Variants in EVPL observed in about 807,000 individuals in gnomAD.
The protein encoded by EVPL is 210 kDa cornified envelope precursor protein.
A neutral mutation model predicts 129.7 loss-of-function variants in EVPL; 94 were observed. The ratio of observed to expected loss-of-function variants is 0.72; its 90% confidence interval spans 0.61 to 0.86. EVPL has a LOEUF of 0.86. Among genes scored for constraint, EVPL ranks in the 40% least tolerant of loss-of-function variants. The pLI is 0.00. For synonymous variants in EVPL, 1,172 were observed against 1,191.1 expected, an observed-to-expected ratio of 0.98 and a Z score of 0.33; for missense variants, 2,625 against 2,721.1, an observed-to-expected ratio of 0.96 and a Z score of 0.79.
intron 18 of EVPL, 85 bp downstream of exon 18, chr17:76,014,341 G>T (rs1010515945): frequency 1.3e-6 from 2 of 1,488,984 alleles, no homozygotes; most frequent in Non-Finnish European, 1.8e-6. Flanking sequence ...CGTGGCCTGG[G>T]CTTTGAAGCC....
chr17:76,008,123 C>G lies in EVPL; in HGVS notation c.5082G>C (p.Gly1694=). Residue 1694 remains glycine, a synonymous_variant, in exon 22 of 22, where the codon GGG becomes GGC. Coordinates refer to ENST00000301607, the MANE Select transcript of EVPL (RefSeq NM_001988.4). The surrounding 1 kb of genome is among the most constrained non-coding windows in gnomAD (Gnocchi z 7.4). The part of the protein sequence containing the change: ...TKISILEPET[G]KDMSPYEAYK... Reference sequence around the variant, plus strand: ...AGGCCTCGTATGGGGACATGTCCTTCCCCGTCTCGGGTTCCAGGATGGAGA... The same window carrying G: ...AGGCCTCGTATGGGGACATGTCCTTGCCCGTCTCGGGTTCCAGGATGGAGA... 6.2e-7 allele frequency: 1 copy of G among 1,614,182 alleles called. No individual in the cohort carries two copies. Among genetic ancestry groups the G allele is most frequent in the South Asian group, 1.1e-5 (1 of 91,088 alleles).
At chr17:76,020,487 A>G (rs1165600296) in intron 9 of EVPL, among the ~76,000 whole-genome samples, 1 of 152,208 alleles carries the variant, frequency 6.6e-6, no homozygotes, top group Non-Finnish European at 1.5e-5. Context: ...TTAAAGAAGC[A>G]TTCCAGGTGC....
In EVPL at chr17:76,017,858, T is replaced by C. The variant is rs1179440922; in HGVS notation, c.1591A>G (p.Met531Val). Residue 531 changes from methionine (M) to valine (V), a missense_variant, in exon 14 of 22, where the codon ATG (methionine) becomes GTG (valine). Coordinates refer to ENST00000301607, the MANE Select transcript of EVPL (RefSeq NM_001988.4). ...NPQAQKLLTQ[M>V]TRLDGDLGQI... ...CCCAGGTCTCCATCCAGCCGGGTCA[T>C]CTGTGTCAGGAGCTTCTGGGCCTGT... is the stretch of plus-strand genomic sequence containing the variant. 2 of 1,613,938 alleles carry C rather than the reference T, an allele frequency of 1.2e-6. No individual in the cohort carries two copies. Among genetic ancestry groups the C allele is most frequent in the African/African-American group, 2.7e-5 (2 of 74,926 alleles).
chr17:76,014,328 C>T (rs1166449150), intron 18 of EVPL, 98 bp downstream of exon 18: 34 of 1,457,080 alleles, frequency 2.3e-5, no homozygotes, highest in Non-Finnish European at 3.0e-5. Context: ...GGCCCAGGGC[C>T]TCCGTGGCCT....
At position 76,014,964 on chromosome 17, in the gene EVPL, C is replaced by T. The variant is rs753022497; in HGVS notation, c.2174G>A (p.Arg725Gln). ...QDLPRQQRQV[R>Q]ALTDRYHAVG... The stretch of plus-strand genomic sequence containing the variant: ...GGCGTGGTAGCGGTCGGTGAGGGCT[C>T]GCACCTGGCGCTGCTGGCGAGGCAG... Residue 725 changes from arginine to glutamine, a missense_variant, in exon 17 of 22, where the codon CGA becomes CAA. Physicochemically the swap from Arg to Gln is conservative, Grantham distance 43. This residue lies in a region of EVPL where 1,024 missense variants were observed against 997.5 expected (regional missense o/e 1.03). Transcript: ENST00000301607. 3.8e-6 allele frequency: 6 copies of T among 1,596,202 alleles called. No individual in the cohort carries two copies. The highest frequency in any genetic ancestry group is 3.3e-5 in the South Asian group (3 of 90,836).
chr17:76,009,612 T>C lies in EVPL; in HGVS notation c.3593A>G (p.Glu1198Gly), dbSNP rs2066357513. 1 of 1,614,018 alleles carries C rather than the reference T, an allele frequency of 6.2e-7. No individual in the cohort carries two copies. ...PKVQLQERVH[E>G]IFQVDPETEQ... ...TGTCTCCGGATCCACCTGGAAGATC[T>C]CGTGGACGCGCTCCTGGAGCTGCAC... The change falls in exon 22 of 22, where the codon GAG becomes GGG. Residue 1198 changes from glutamate to glycine, a missense_variant. Glu to Gly is a moderately conservative substitution (Grantham distance 98). Coordinates refer to ENST00000301607, the MANE Select transcript of EVPL (RefSeq NM_001988.4). The surrounding 1 kb of genome is among the most constrained non-coding windows in gnomAD (Gnocchi z 5.9).
rs137880433 is a variant in EVPL at position 76,015,590 on chromosome 17, C to A, written c.1749G>T (p.Lys583Asn). ...CCTCGCACTCCTTCTGGGCTGTCTCCTTCTCCGTTCCCAGGCTCTGCAGGC... is the reference window on the plus strand; with the variant it reads ...CCTCGCACTCCTTCTGGGCTGTCTCATTCTCCGTTCCCAGGCTCTGCAGGC... ...AQRLQSLGTE[K>N]ETAQKECEAF... is the part of the protein sequence containing the mutation. The change falls in exon 15 of 22, where the codon AAG (lysine) becomes AAT (asparagine). Residue 583 changes from lysine to asparagine, a missense_variant. Around this residue, in one of 4 missense-constraint regions of EVPL, gnomAD observed 1,024 missense variants for 997.5 expected, o/e 1.03. Coordinates refer to ENST00000301607, the MANE Select transcript of EVPL (RefSeq NM_001988.4). 8.1e-6 allele frequency: 13 copies of A among 1,613,388 alleles called. No homozygotes were observed. Among genetic ancestry groups the A allele is most frequent in the Non-Finnish European group, 1.0e-5 (12 of 1,179,984 alleles).
In EVPL at chr17:76,017,903, C is replaced by T. The variant is rs1396235833; in HGVS notation, c.1546G>A (p.Gly516Ser). The T allele has an allele frequency of 1.2e-6, 2 of 1,614,050 alleles. No homozygotes were observed. Among genetic ancestry groups the T allele is most frequent in the South Asian group, 2.2e-5 (2 of 91,088 alleles). The part of the protein sequence containing the change: ...SLRPSQQAPS[G>S]SDLANPQAQK... ...GCCTGTGGGTTGGCCAGGTCTGAGC[C>T]AGATGGAGCTGGGGGCAGAGGTGCT... Residue 516 changes from glycine to serine, a missense_variant, in exon 14 of 22, where the codon GGC becomes AGC. Around this residue, in one of 4 missense-constraint regions of EVPL, gnomAD observed 1,024 missense variants for 997.5 expected, o/e 1.03. Transcript: ENST00000301607.
Position 76,009,705 on chromosome 17 carries a change from G to C in EVPL, c.3500C>G (p.Ala1167Gly). The change falls in exon 22 of 22, where the codon GCG becomes GGG. Residue 1167 changes from alanine to glycine, a missense_variant. By Grantham distance (60) the Ala-to-Gly change is moderately conservative. This residue lies in a region of EVPL where 1,453 missense variants were observed against 1,511.8 expected (regional missense o/e 0.96). Transcript: ENST00000301607. This position sits in a 1 kb window ranked among gnomAD's most constrained non-coding sequence, Gnocchi z 5.9. ...SLLEEERTKN[A>G]TLARELSDLH... ...GTCGCTCAGCTCCCTGGCCAGCGTC[G>C]CGTTCTTGGTCCTCTCCTCCTCGAG... 6.2e-7 allele frequency: 1 copy of C among 1,613,460 alleles called. No homozygotes were observed. Among genetic ancestry groups the C allele is most frequent in the Non-Finnish European group, 8.5e-7 (1 of 1,179,998 alleles).
Position 76,008,681 on chromosome 17 carries a change from G to A in EVPL, c.4524C>T (p.Val1508=), listed in dbSNP as rs1233070056. The change falls in exon 22 of 22, where the codon GTC becomes GTT. Residue 1508 remains valine (V), a synonymous_variant. Transcript: ENST00000301607. The surrounding 1 kb of genome is among the most constrained non-coding windows in gnomAD (Gnocchi z 7.4). ...TCTCCTGCGATTTGGCTTTCTGGAGGACGTCAATCTGGACCTGCAGGTTCT... is the reference window on the plus strand; with the variant it reads ...TCTCCTGCGATTTGGCTTTCTGGAGAACGTCAATCTGGACCTGCAGGTTCT... ...ECKNLQVQID[V]LQKAKSQEKT... The A allele has an allele frequency of 1.9e-6, 3 of 1,613,040 alleles. No homozygotes were observed. Among genetic ancestry groups the A allele is most frequent in the South Asian group, 1.1e-5 (1 of 91,082 alleles).
Position 76,021,862 on chromosome 17 carries a change from C to A in EVPL, c.807+5G>T. On this transcript the variant is annotated splice_donor_5th_base_variant and intron_variant, in intron 7 of 21. Transcript: ENST00000301607. ...CCCACCTGGCCCCGACCTCTGCCAG[C>A]CGACCTCGTACTCCCGCCGCACGCC... 1 of 1,558,968 alleles carries A rather than the reference C, an allele frequency of 6.4e-7. No individual in the cohort carries two copies. The highest frequency in any genetic ancestry group is 8.6e-7 in the Non-Finnish European group (1 of 1,159,352).
intron 9 of EVPL, among the ~76,000 whole-genome samples, chr17:76,020,518 C>CCT (rs1313989177): frequency 6.6e-6 from 1 of 151,964 alleles, no homozygotes; most frequent in Non-Finnish European, 1.5e-5. Context: ...TTTTTGTCAA[C>CCT]GTGTGTGATC....
In EVPL at chr17:76,008,683, C is replaced by T. The variant is rs150027671; in HGVS notation, c.4522G>A (p.Val1508Ile). 8.7e-6 allele frequency: 14 copies of T among 1,612,990 alleles called. No individual in the cohort carries two copies. The African/African-American group carries it at 1.2e-4, about 14-fold the overall frequency. ...ECKNLQVQIDVLQKAKSQEKT... is the reference protein window; with the variant it reads ...ECKNLQVQIDILQKAKSQEKT... ...TCCTGCGATTTGGCTTTCTGGAGGA[C>T]GTCAATCTGGACCTGCAGGTTCTTG... The change falls in exon 22 of 22, where the codon GTC (valine) becomes ATC (isoleucine). Residue 1508 changes from valine (V) to isoleucine (I), a missense_variant. Coordinates refer to ENST00000301607, the MANE Select transcript of EVPL (RefSeq NM_001988.4). The surrounding 1 kb of genome is among the most constrained non-coding windows in gnomAD (Gnocchi z 7.4).
Position 76,024,061 on chromosome 17 carries a change from A to C in EVPL, c.158T>G (p.Val53Gly). The C allele has an allele frequency of 6.2e-7, 1 of 1,613,822 alleles. No individual in the cohort carries two copies. Among genetic ancestry groups the C allele is most frequent in the Non-Finnish European group, 8.5e-7 (1 of 1,179,936 alleles). The change falls in exon 2 of 22, where the codon GTG becomes GGG. Residue 53 changes from valine (V) to glycine (G), a missense_variant. Around this residue, in one of 4 missense-constraint regions of EVPL, gnomAD observed 139 missense variants for 186.8 expected, o/e 0.74. Coordinates refer to ENST00000301607, the MANE Select transcript of EVPL (RefSeq NM_001988.4). The surrounding 1 kb of genome is among the most constrained non-coding windows in gnomAD (Gnocchi z 4.5). ...CTGCGTCTCCAGGATGTCCCGCTCC[A>C]CCTGGTCGGCGTTGGCTTGCATGCG... is the stretch of plus-strand genomic sequence containing the variant. The part of the protein sequence containing the change: ...ISRMQANADQ[V>G]ERDILETQKR...
chr17:76,015,251 C>T lies in EVPL; in HGVS notation c.2004G>A (p.Leu668=). ...CCTGCAGCTCGCTGACCCTCTCCTG[C>T]AGAGCCCCCGGTTCAGCAGGGATGG... ...EAPIPAEPGA[L]QERVSELQRQ... The change falls in exon 16 of 22, where the codon CTG becomes CTA. Residue 668 remains leucine (L), a synonymous_variant. Transcript: ENST00000301607. 1 of 1,600,258 alleles carries T rather than the reference C, an allele frequency of 6.2e-7. No individual in the cohort carries two copies.
Position 76,018,488 on chromosome 17 carries a change from CA to C in EVPL, c.1396del (p.Cys466AlafsTer23), listed in dbSNP as rs1363083306. On this transcript the variant is annotated frameshift_variant, in exon 12 of 22. Coordinates refer to ENST00000301607, the MANE Select transcript of EVPL (RefSeq NM_001988.4). LOFTEE classifies it high-confidence loss of function. The part of the protein sequence containing the change: ...ETKRAPAACF[C>X]IPAPDPDAVA... ...AGCATCAGGGTCTGGTGCTGGGATG[CA>C]GAAGCAGGCGGCGGGAGCACGCTTG... The C allele has an allele frequency of 6.2e-7, 1 of 1,612,514 alleles. No individual in the cohort carries two copies. Among genetic ancestry groups the C allele is most frequent in the South Asian group, 1.1e-5 (1 of 90,968 alleles).
chr17:76,012,965 C>T (rs2598421), intron 18 of EVPL, among the ~76,000 whole-genome samples: 14,898 of 151,286 alleles, frequency 0.098, 980 homozygotes, highest in East Asian at 0.18. Flanking sequence ...AGGATGGTCT[C>T]GATCTCCTGA....
rs762765161 is a variant in EVPL, at chr17:76,009,390, C to T, written c.3815G>A (p.Arg1272His). 2 of 1,613,894 alleles carry T rather than the reference C, an allele frequency of 1.2e-6. No homozygotes were observed. The highest frequency in any genetic ancestry group is 1.7e-5 in the Admixed American group (1 of 59,998). The change falls in exon 22 of 22, where the codon CGC becomes CAC. Residue 1272 changes from arginine (R) to histidine (H), a missense_variant. Transcript: ENST00000301607. The surrounding 1 kb of genome is among the most constrained non-coding windows in gnomAD (Gnocchi z 5.9). ...RSPEVLREID[R>H]LKAQLNELVN... ...GAGCTCGTTGAGCTGAGCCTTCAGG[C>T]GGTCGATCTCACGCAGCACCTCGGG...
chr17:76,026,323 C>A (rs2066498218), intron 1 of EVPL, among the ~76,000 whole-genome samples: 1 of 151,216 alleles, frequency 6.6e-6, no homozygotes, highest in East Asian at 1.9e-4. Context: ...TGGCTCACTG[C>A]AGCCTCAAAC....
Sources: allele counts gnomAD v4.1 joint callset (sites outside exome capture counted in the v4.1 genomes callset), GRCh38; gene constraint gnomAD v4.1.1; regional missense constraint gnomAD v4.1.1; non-coding constraint Gnocchi (gnomAD v3.1); transcripts MANE v1.5; gene names NCBI Gene and HGNC (gene_info 2026-07-23, HGNC 2026-07-21).